The following YWHAZ variants were observed in gnomAD, a reference collection of about 807,000 sequenced individuals.
YWHAZ encodes the protein tyrosine 3-monooxygenase/tryptophan 5-monooxygenase activation protein zeta, also known as 14-3-3 protein zeta/delta.
For synonymous variants in YWHAZ, 87 were observed against 103.6 expected (o/e 0.84, Z 0.97); for missense variants, 79 against 284.8 (o/e 0.28, Z 5.20).
chr8:100,931,164 G>A (rs958569225), intron 2 of YWHAZ, among the ~76,000 whole-genome samples: 1 of 152,158 alleles, frequency 6.6e-6, no homozygotes, highest in African/African-American at 2.4e-5. Context: ...TTCCTCCCAA[G>A]CCAGTTTCCA....
upstream of YWHAZ, chr8:100,952,236 C>T: frequency 1.2e-6 from 1 of 832,240 alleles, no homozygotes; most frequent in Non-Finnish European, 1.4e-6. Context: ...GAGGCGCGCG[C>T]GTCCTCGCCC....
intron 2 of YWHAZ, among the ~76,000 whole-genome samples, chr8:100,943,382 A>G (rs1264001389): frequency 1.3e-5 from 2 of 152,228 alleles, no homozygotes; most frequent in African/African-American, 4.8e-5. Context: ...AACTTACTTG[A>G]TATCAGAACA....
At chr8:100,938,064 A>G (rs1814289858) in intron 2 of YWHAZ, among the ~76,000 whole-genome samples, 1 of 152,176 alleles carries the variant, frequency 6.6e-6, no homozygotes. Flanking sequence ...CGGGAGGCAG[A>G]GGTTGCGGTG....
At chr8:100,950,659 G>T (rs1462475195) in intron 1 of YWHAZ, 6 of 828,204 alleles carry the variant, frequency 7.2e-6, no homozygotes, top group African/African-American at 1.9e-5. Flanking sequence ...CCAAGCCGTG[G>T]GGGGGGGGGA....
At chr8:100,928,974 C>T (rs952166856) in intron 2 of YWHAZ, among the ~76,000 whole-genome samples, 3 of 152,102 alleles carry the variant, frequency 2.0e-5, no homozygotes, top group African/African-American at 7.2e-5. Context: ...GGAACCTGCT[C>T]AGTGAATTCC....
Position 100,918,684 on chromosome 8 carries a change from T to C in YWHAZ, c.*2009A>G, listed in dbSNP as rs1201392131. 2 of 152,188 alleles carry C rather than the reference T, an allele frequency of 1.3e-5. No homozygotes were observed. Among genetic ancestry groups the C allele is most frequent in the Non-Finnish European group, 2.9e-5 (2 of 67,978 alleles). The allele number at this position is 152,188 out of a possible 1,614,324, so 9.4% of individuals were successfully genotyped here. ...AATAAAACAAGCAACAAAACAGTGT[T>C]TGGGATTTCAGTTTCTCACCCTTAT... On this transcript the variant is annotated 3_prime_UTR_variant, in exon 6 of 6. Coordinates refer to ENST00000395958, the MANE Select transcript of YWHAZ (RefSeq NM_145690.3).
intron 2 of YWHAZ, 70 bp from the exon 3 acceptor site, chr8:100,925,109 A>AAAGAACAAACTATAGCCT: frequency 6.7e-7 from 1 of 1,497,144 alleles, no homozygotes; most frequent in East Asian, 2.4e-5. Flanking sequence ...TGCATTTCTT[A>AAAGAACAAACTATAGCCT]AAGAACAAAC....
chr8:100,929,316 T>C (rs140521072), intron 2 of YWHAZ, among the ~76,000 whole-genome samples: 9,171 of 152,014 alleles, frequency 0.06, 300 homozygotes, highest in African/African-American at 0.083. Flanking sequence ...TCTCCTGCCT[T>C]GGCCTCCTGA....
chr8:100,950,657 TGGGGG>T, intron 1 of YWHAZ: 2 of 722,746 alleles, frequency 2.8e-6, no homozygotes, highest in Non-Finnish European at 3.3e-6. Flanking sequence ...GCCCAAGCCG[TGGGGG>T]GGGGGGAGAG....
chr8:100,940,017 C>T (rs545971966), intron 2 of YWHAZ, among the ~76,000 whole-genome samples: 5 of 149,366 alleles, frequency 3.3e-5, no homozygotes, highest in South Asian at 2.1e-4. Context: ...AGCGAGACTC[C>T]GCGCCACTGC....
intron 2 of YWHAZ, among the ~76,000 whole-genome samples, chr8:100,944,041 C>A (rs1810085341): frequency 6.6e-6 from 1 of 151,280 alleles, no homozygotes; most frequent in African/African-American, 2.4e-5. Context: ...CAATTTTTTC[C>A]TTCCTGAGAC....
intron 2 of YWHAZ, among the ~76,000 whole-genome samples, chr8:100,930,137 C>T (rs959501753): frequency 2.0e-5 from 3 of 152,278 alleles, no homozygotes; most frequent in Admixed American, 1.3e-4. Context: ...CTCGCTCTGT[C>T]GCCCAGGCTG....
chr8:100,941,884 T>G (rs1017938308), intron 2 of YWHAZ, among the ~76,000 whole-genome samples: 2 of 151,942 alleles, frequency 1.3e-5, no homozygotes, highest in African/African-American at 4.8e-5. Context: ...CAACAAAAAT[T>G]GGGCAGTCCC....
intron 2 of YWHAZ, among the ~76,000 whole-genome samples, chr8:100,929,319 C>T (rs1390550322): frequency 6.6e-6 from 1 of 151,834 alleles, no homozygotes; most frequent in African/African-American, 2.4e-5. Flanking sequence ...CCTGCCTTGG[C>T]CTCCTGAGTA....
At chr8:100,952,946 T>G, upstream of YWHAZ, 2 of 1,000,330 alleles carry the variant, frequency 2.0e-6, no homozygotes, top group Non-Finnish European at 2.4e-6. Flanking sequence ...GGGGAGGCGT[T>G]CCAATCGAGA....
intron 2 of YWHAZ, among the ~76,000 whole-genome samples, chr8:100,925,282 T>C (rs1473275248): frequency 6.6e-6 from 1 of 152,212 alleles, no homozygotes; most frequent in African/African-American, 2.4e-5. Flanking sequence ...AAATTGAACA[T>C]TGGTCCCTGA....
chr8:100,949,205 C>T (rs1296792727), intron 1 of YWHAZ, among the ~76,000 whole-genome samples: 1 of 152,154 alleles, frequency 6.6e-6, no homozygotes, highest in Non-Finnish European at 1.5e-5. Context: ...TCAAAAACTA[C>T]CCCTAATCTT....
At chr8:100,936,444 T>C (rs919432088) in intron 2 of YWHAZ, among the ~76,000 whole-genome samples, 1 of 152,168 alleles carries the variant, frequency 6.6e-6, no homozygotes, top group Non-Finnish European at 1.5e-5. Flanking sequence ...TGCCTCCTAA[T>C]ATAATGCAGT....
Position 100,920,661 on chromosome 8 carries a change from T to C in YWHAZ, c.*32A>G. 6.3e-7 allele frequency: 1 copy of C among 1,579,964 alleles called. No homozygotes were observed. The highest frequency in any genetic ancestry group is 8.7e-7 in the Non-Finnish European group (1 of 1,150,228). ...GACAAATGGTCTACTGTGTAAATTTTAGAATGAGGCAGACAAAAGTTGGAA... is the reference window on the plus strand; with the variant it reads ...GACAAATGGTCTACTGTGTAAATTTCAGAATGAGGCAGACAAAAGTTGGAA... On this transcript the variant is annotated 3_prime_UTR_variant, in exon 6 of 6. Coordinates refer to ENST00000395958, the MANE Select transcript of YWHAZ (RefSeq NM_145690.3).
Sources: gnomAD v4.1 joint callset for allele counts (sites outside exome capture counted in the v4.1 genomes callset) on GRCh38, gnomAD v4.1.1 for gene constraint, MANE v1.5 for transcripts, NCBI Gene and HGNC (gene_info 2026-07-23, HGNC 2026-07-21) for gene names.